The following MAST2 variants were observed in gnomAD, a reference collection of about 807,000 sequenced individuals.
MAST2 encodes microtubule-associated serine/threonine-protein kinase 2.
A neutral mutation model predicts 147.4 loss-of-function variants in MAST2; 70 were observed. That is an observed-to-expected ratio of 0.47 (90% CI 0.39 to 0.58). MAST2 has a LOEUF of 0.58. MAST2 is among the 20% of genes least tolerant of loss of function. The pLI is 0.00. For missense variants in MAST2, 2,080 were observed against 2,302.3 expected (o/e 0.90, Z 1.98); for synonymous variants, 869 against 896.8 (o/e 0.97, Z 0.55).
intron 3 of MAST2, among the ~76,000 whole-genome samples, chr1:45,835,776 C>G (rs1462037171): frequency 2.0e-5 from 3 of 152,088 alleles, no homozygotes; most frequent in Admixed American, 2.0e-4. Flanking sequence ...CACCCTCATT[C>G]TAGCTAGGGC....
rs1646279400 is a variant in MAST2 at position 46,023,586 on chromosome 1, A to G, written c.1572-186A>G. The G allele has an allele frequency of 1.6e-6, 1 of 634,152 alleles. No homozygotes were observed. The highest frequency in any genetic ancestry group is 2.7e-5 in the East Asian group (1 of 36,552). 39.3% of individuals were successfully genotyped at this position (634,152 alleles called of 1,614,324 possible). A position where few individuals can be genotyped will look rare whatever the true frequency, so the allele number is the denominator to read the frequency against. On this transcript the variant is annotated intron_variant, in intron 14 of 28. Coordinates refer to ENST00000361297, the MANE Select transcript of MAST2 (RefSeq NM_015112.3). The surrounding 1 kb of genome is among the most constrained non-coding windows in gnomAD (Gnocchi z 4.9). ...AAGCATTGAGCCGTGTCATCAGGAC[A>G]TGGTCTATCAAGAAGTTTAAGAGTT...
intron 4 of MAST2, among the ~76,000 whole-genome samples, chr1:45,899,307 C>CTTTT (rs770069959): frequency 0.32 from 34,044 of 107,790 alleles, 4,619 homozygotes; most frequent in East Asian, 0.49. Context: ...CCTTTCTTTT[C>CTTTT]TTTTTTTTTT....
intron 3 of MAST2, among the ~76,000 whole-genome samples, chr1:45,863,941 T>A (rs1646061866): frequency 6.6e-6 from 1 of 152,236 alleles, no homozygotes; most frequent in African/African-American, 2.4e-5. Context: ...GTGTGACTTG[T>A]TAGAAAGATC....
At chr1:45,945,588 AAGGATTGTTACTAATAC>A (rs751136114) in intron 4 of MAST2, among the ~76,000 whole-genome samples, 11 of 152,310 alleles carry the variant, frequency 7.2e-5, no homozygotes, top group Non-Finnish European at 1.5e-4. Flanking sequence ...GGTAGAAAAG[AAGGATTGTTACTAATAC>A]AGGATGGGTT....
At chr1:45,955,928 T>C (rs1460354618) in intron 4 of MAST2, among the ~76,000 whole-genome samples, 1 of 152,198 alleles carries the variant, frequency 6.6e-6, no homozygotes, top group Non-Finnish European at 1.5e-5. Flanking sequence ...GATTGGAATA[T>C]AATAGATTGT....
intron 4 of MAST2, among the ~76,000 whole-genome samples, chr1:45,885,025 A>G (rs757730223): frequency 1.2e-4 from 19 of 152,246 alleles, no homozygotes; most frequent in Non-Finnish European, 2.4e-4. Flanking sequence ...AACAGGTAAG[A>G]ACCACAAAAC....
chr1:46,029,069 G>GA (rs1185351062), intron 18 of MAST2, 136 bp downstream of exon 18: 1 of 1,008,392 alleles, frequency 9.9e-7, no homozygotes, highest in African/African-American at 1.6e-5. Flanking sequence ...CTGCTTTGGG[G>GA]ATGGGTGTCT....
chr1:45,826,258 T>C (rs1644788817), intron 2 of MAST2, among the ~76,000 whole-genome samples: 1 of 152,192 alleles, frequency 6.6e-6, no homozygotes, highest in South Asian at 2.1e-4. Flanking sequence ...TTCTATGGAA[T>C]TTTCCATTTA....
At chr1:45,978,564 A>G (rs1217630288) in intron 5 of MAST2, among the ~76,000 whole-genome samples, 2 of 152,202 alleles carry the variant, frequency 1.3e-5, no homozygotes, top group Non-Finnish European at 2.9e-5. Flanking sequence ...AAGATATTAT[A>G]TGACCAATAA....
chr1:45,974,154 G>C (rs531348387), intron 5 of MAST2, among the ~76,000 whole-genome samples: 1 of 152,206 alleles, frequency 6.6e-6, no homozygotes, highest in South Asian at 2.1e-4. Context: ...TTCTATAGTT[G>C]AGAGGGGATG....
intron 5 of MAST2, among the ~76,000 whole-genome samples, chr1:45,973,415 A>G (rs1325918009): frequency 6.6e-6 from 1 of 152,136 alleles, no homozygotes; most frequent in Non-Finnish European, 1.5e-5. Flanking sequence ...CCACCTTTGA[A>G]AAACAGTCAT....
chr1:45,964,242 G>A (rs1261273759), intron 5 of MAST2, among the ~76,000 whole-genome samples: 3 of 152,188 alleles, frequency 2.0e-5, no homozygotes, highest in South Asian at 2.1e-4. Flanking sequence ...AAATGAGTTA[G>A]GGAGGATTCC....
rs1373207922 is a variant in MAST2, at chr1:46,025,751, A to G, written c.1855A>G (p.Thr619Ala). Residue 619 changes from threonine to alanine, a missense_variant, in exon 16 of 29, where the codon ACT becomes GCT. Thr to Ala is a moderately conservative substitution (Grantham distance 58). This residue lies in a region of MAST2 where 209 missense variants were observed against 309.5 expected (regional missense o/e 0.68). Coordinates refer to ENST00000361297, the MANE Select transcript of MAST2 (RefSeq NM_015112.3). ...VDMVRLYFAE[T>A]VLALEYLHNY... ...CATGGTGCGTCTATACTTTGCGGAA[A>G]CTGTGCTGGCCCTGGAGTACTTACA... 1.9e-6 allele frequency: 3 copies of G among 1,613,998 alleles called. No individual in the cohort carries two copies. The highest frequency in any genetic ancestry group is 2.5e-6 in the Non-Finnish European group (3 of 1,180,032).
Position 45,956,111 on chromosome 1 carries a change from A to G in MAST2, c.501-3275A>G, listed in dbSNP as rs114293816. ...ATTTTATATAAATGGAATTGGATCA[A>G]CTAAACAATTTGTCCTTGTGAGTCC... is the stretch of plus-strand genomic sequence containing the variant. On this transcript the variant is annotated intron_variant, in intron 4 of 28. Coordinates refer to ENST00000361297, the MANE Select transcript of MAST2 (RefSeq NM_015112.3). Among the ~76,000 whole-genome samples, 1,015 of 152,334 alleles carry G rather than the reference A, an allele frequency of 6.7e-3. 12 individuals carry two copies. Among genetic ancestry groups the G allele is most frequent in the African/African-American group, 0.024 (979 of 41,586 alleles).
intron 10 of MAST2, among the ~76,000 whole-genome samples, chr1:46,018,668 C>A (rs1646058287): frequency 6.6e-6 from 1 of 152,158 alleles, no homozygotes; most frequent in Non-Finnish European, 1.5e-5. Flanking sequence ...CTGACGTTAA[C>A]AGTTGTCTTT....
chr1:45,892,476 T>G (rs955752722), intron 4 of MAST2, among the ~76,000 whole-genome samples: 1 of 152,218 alleles, frequency 6.6e-6, no homozygotes, highest in Non-Finnish European at 1.5e-5. Flanking sequence ...TGTACCTAAT[T>G]CTCATTTCAC....
Position 45,896,037 on chromosome 1 carries a change from C to G in MAST2, c.500+13642C>G, listed in dbSNP as rs1208420052. ...CAGACTTTCTTGAATGACTATATTT[C>G]TTAGATTTTTTTTTTTTTTTTGAGA... On this transcript the variant is annotated intron_variant, in intron 4 of 28. Coordinates refer to ENST00000361297, the MANE Select transcript of MAST2 (RefSeq NM_015112.3). Among the ~76,000 whole-genome samples, 3 of 113,952 alleles carry G rather than the reference C, an allele frequency of 2.6e-5. 1 individual carries two copies. The highest frequency in any genetic ancestry group is 1.0e-4 in the African/African-American group (3 of 29,446). 74.8% of individuals were successfully genotyped at this position (113,952 alleles called of 152,430 possible).
Position 46,029,577 on chromosome 1 carries a change from G to GC in MAST2, c.2320+13dup, listed in dbSNP as rs1242927176. 6.8e-6 allele frequency: 11 copies of GC among 1,611,564 alleles called. No individual in the cohort carries two copies. In the East Asian group the frequency reaches 2.2e-4, roughly 33 times the overall value. On this transcript the variant is annotated intron_variant, in intron 19 of 28. Transcript: ENST00000361297. ...GAGAGACTTGGCACAGGTAGGGCAG[G>GC]CCCTGCTAACTTTTCTCACTACTTG...
At chr1:46,022,121 G>A in intron 12 of MAST2, 39 bp downstream of exon 12, 1 of 1,610,466 alleles carries the variant, frequency 6.2e-7, no homozygotes, top group Non-Finnish European at 8.5e-7. Context: ...AGGCCCCACT[G>A]CTGCTGGCAA....
Sources: gnomAD v4.1 joint callset for allele counts (sites outside exome capture counted in the v4.1 genomes callset) on GRCh38, gnomAD v4.1.1 for gene constraint, gnomAD v4.1.1 regional missense constraint, Gnocchi (gnomAD v3.1) non-coding constraint, MANE v1.5 for transcripts, NCBI Gene and HGNC (gene_info 2026-07-23, HGNC 2026-07-21) for gene names.